Variants in PDGFA observed in about 807,000 individuals in gnomAD.
The protein encoded by PDGFA is platelet derived growth factor subunit A, also known as platelet-derived growth factor subunit A.
Under a neutral mutation model 25.6 loss-of-function variants are expected in PDGFA, and 9 were observed. That is an observed-to-expected ratio of 0.35 (90% confidence interval 0.21 to 0.61). The LOEUF (loss-of-function observed/expected upper bound fraction) is 0.61. PDGFA is among the 20% of genes least tolerant of loss of function. The pLI, the probability that PDGFA is intolerant of heterozygous loss-of-function variation, is 0.75. For missense variants in PDGFA, 242 were observed against 272.8 expected (o/e 0.89, Z 0.79); for synonymous variants, 133 against 111.8 (o/e 1.19, Z -1.20).
At chr7:503,279 T>A (rs554619230) in intron 4 of PDGFA, among the ~76,000 whole-genome samples, 3 of 152,222 alleles carry the variant, frequency 2.0e-5, no homozygotes, top group Admixed American at 6.5e-5. Flanking sequence ...AGGCGCTCCA[T>A]CTGTGCCCAC....
In PDGFA at chr7:500,706, C is replaced by T. The variant is rs1454178634; in HGVS notation, c.580+410G>A. ...CCATTCTGCTCCTGGGTGGAGTCCGCGTGGCGGGGTGAAGGAGAGACCCCA... is the reference window on the plus strand; with the variant it reads ...CCATTCTGCTCCTGGGTGGAGTCCGTGTGGCGGGGTGAAGGAGAGACCCCA... On this transcript the variant is annotated intron_variant, in intron 5 of 5. Coordinates refer to ENST00000402802, the Ensembl canonical transcript of PDGFA. This position sits in a 1 kb window ranked among gnomAD's most constrained non-coding sequence, Gnocchi z 5.0. 1.9e-5 allele frequency: 28 copies of T among 1,441,304 alleles called. No homozygotes were observed. The Admixed American group carries it at 2.2e-4, about 11-fold the overall frequency. The allele number at this position is 1,441,304 out of a possible 1,614,324, so 89.3% of individuals were successfully genotyped here. A position where few individuals can be genotyped will look rare whatever the true frequency, so the allele number is the denominator to read the frequency against.
At position 500,550 on chromosome 7, in the gene PDGFA, G is replaced by T. The variant is rs780245413; in HGVS notation, c.580+566C>A. The T allele has an allele frequency of 1.9e-6, 3 of 1,612,846 alleles. No homozygotes were observed. The highest frequency in any genetic ancestry group is 2.5e-6 in the Non-Finnish European group (3 of 1,179,864). On this transcript the variant is annotated intron_variant, in intron 5 of 5. Coordinates refer to ENST00000402802, the Ensembl canonical transcript of PDGFA. This position sits in a 1 kb window ranked among gnomAD's most constrained non-coding sequence, Gnocchi z 5.0. Reference sequence around the variant, plus strand: ...AGTGGGCCGAGGGACGGCCGTCGGGGTGAAGAACTGAAGCAACAAATACCT... The same window carrying T: ...AGTGGGCCGAGGGACGGCCGTCGGGTTGAAGAACTGAAGCAACAAATACCT...
chr7:509,778 C>T (rs1483805848), intron 4 of PDGFA, among the ~76,000 whole-genome samples: 1 of 152,148 alleles, frequency 6.6e-6, no homozygotes, highest in East Asian at 1.9e-4. Flanking sequence ...TTCCAGCCTC[C>T]AGAACTTTGA....
intron 5 of PDGFA, among the ~76,000 whole-genome samples, chr7:499,271 G>A (rs1279458749): frequency 6.6e-6 from 1 of 152,240 alleles, no homozygotes; most frequent in Non-Finnish European, 1.5e-5. Context: ...CTGACCAACA[G>A]TCCTGGACTG....
At chr7:512,740 C>T (rs540156749) in intron 2 of PDGFA, 16 of 1,172,536 alleles carry the variant, frequency 1.4e-5, no homozygotes, top group Admixed American at 1.3e-4. Context: ...CAGGGCCCTT[C>T]GGGGAAGAGG....
chr7:512,478 G>A lies in PDGFA; in HGVS notation c.161-23C>T, dbSNP rs199569655. On this transcript the variant is annotated intron_variant, in intron 2 of 5. Transcript: ENST00000402802. ...TCCCTGCAGGCGGAAGGAGAACACC[G>A]TGAATGCCCCAGGCCCGTGCGCTGT... is the stretch of plus-strand genomic sequence containing the variant. The A allele has an allele frequency of 1.7e-3, 2,692 of 1,613,312 alleles. 9 individuals carry two copies. Among genetic ancestry groups the A allele is most frequent in the South Asian group, 2.7e-3 (243 of 91,074 alleles).
chr7:507,975 G>T (rs1431798603), intron 4 of PDGFA, among the ~76,000 whole-genome samples: 1 of 152,150 alleles, frequency 6.6e-6, no homozygotes, highest in Non-Finnish European at 1.5e-5. Flanking sequence ...GGCTTCAAAA[G>T]GGGAGTGAGT....
At chr7:506,440 C>G (rs1782570174) in intron 4 of PDGFA, among the ~76,000 whole-genome samples, 1 of 152,036 alleles carries the variant, frequency 6.6e-6, no homozygotes, top group African/African-American at 2.4e-5. Flanking sequence ...CTGCACCAGA[C>G]CCCAGAGAGT....
chr7:503,792 A>G (rs1037619961), intron 4 of PDGFA, among the ~76,000 whole-genome samples: 8 of 152,150 alleles, frequency 5.3e-5, no homozygotes, highest in African/African-American at 1.9e-4. Context: ...GCCAAGTATG[A>G]GCTCAACAGT....
rs768944712 is a variant in PDGFA, at chr7:501,254, A to C, written c.454-12T>G. On this transcript the variant is annotated splice_polypyrimidine_tract_variant and intron_variant, in intron 4 of 5. Coordinates refer to ENST00000402802, the Ensembl canonical transcript of PDGFA. ...TCCACCTTGGCCACCTGCCAGAGAG[A>C]ACAGAGCCCGGCCATGAATGCCTGC... is the stretch of plus-strand genomic sequence containing the variant. 7.4e-6 allele frequency: 12 copies of C among 1,613,760 alleles called. No homozygotes were observed. The East Asian group carries it at 2.7e-4, about 36-fold the overall frequency.
In PDGFA at chr7:500,539, C is replaced by T. The variant is rs376716950; in HGVS notation, c.580+577G>A. On this transcript the variant is annotated intron_variant, in intron 5 of 5. Coordinates refer to ENST00000402802, the Ensembl canonical transcript of PDGFA. This position sits in a 1 kb window ranked among gnomAD's most constrained non-coding sequence, Gnocchi z 5.0. The stretch of plus-strand genomic sequence containing the variant: ...GCAGGGCGGTGAGTGGGCCGAGGGA[C>T]GGCCGTCGGGGTGAAGAACTGAAGC... The T allele has an allele frequency of 1.9e-4, 305 of 1,613,492 alleles. No individual in the cohort carries two copies. The African/African-American group carries it at 2.2e-3, about 11-fold the overall frequency.
chr7:512,759 G>T, intron 2 of PDGFA: 2 of 1,006,786 alleles, frequency 2.0e-6, no homozygotes, highest in Non-Finnish European at 2.6e-6. Context: ...GGTTGCAGGT[G>T]GTCTCCCCTA....
At chr7:516,052 C>CA (rs1554276005) in intron 2 of PDGFA, among the ~76,000 whole-genome samples, 45 of 120,280 alleles carry the variant, frequency 3.7e-4, no homozygotes, top group Middle Eastern at 4.5e-3. Flanking sequence ...CCCCCCCCCC[C>CA]ACTTTTCCAA....
In PDGFA at chr7:517,665, G is replaced by T. The variant is rs967687840; in HGVS notation, c.64-175C>A. On this transcript the variant is annotated intron_variant, in intron 1 of 5. Coordinates refer to ENST00000402802, the Ensembl canonical transcript of PDGFA. The surrounding 1 kb of genome is among the most constrained non-coding windows in gnomAD (Gnocchi z 7.4). ...CCGGCCCTGGAACCAGAAGCCGGGG[G>T]TGGGGCTGGAAGAGACCCCAAATTC... Among the ~76,000 whole-genome samples, 1 of 151,482 alleles carries T rather than the reference G, an allele frequency of 6.6e-6. No homozygotes were observed. Among genetic ancestry groups the T allele is most frequent in the African/African-American group, 2.4e-5 (1 of 41,316 alleles).
chr7:518,906 G>C (rs967353148), intron 1 of PDGFA, 33 bp downstream of exon 1: 10 of 1,460,212 alleles, frequency 6.8e-6, no homozygotes, highest in South Asian at 6.6e-5. Flanking sequence ...CGGAGGAGCC[G>C]GCGCAGGGAC....
chr7:506,803 C>G (rs761444864), intron 4 of PDGFA, among the ~76,000 whole-genome samples: 5 of 152,220 alleles, frequency 3.3e-5, no homozygotes, highest in Admixed American at 6.5e-5. Flanking sequence ...GCCGGTCAGT[C>G]ACATCCTGGT....
intron 4 of PDGFA, among the ~76,000 whole-genome samples, chr7:503,937 C>T (rs1241103637): frequency 3.3e-5 from 5 of 152,134 alleles, no homozygotes; most frequent in Admixed American, 2.6e-4. Flanking sequence ...CCGTTCCACT[C>T]GGGAGGCCTC....
rs1782264829 is a variant in PDGFA, at chr7:500,216, G to A, written c.580+900C>T. On this transcript the variant is annotated intron_variant, in intron 5 of 5. Coordinates refer to ENST00000402802, the Ensembl canonical transcript of PDGFA. This position sits in a 1 kb window ranked among gnomAD's most constrained non-coding sequence, Gnocchi z 5.0. The stretch of plus-strand genomic sequence containing the variant: ...AAAGAGAAGGACAAAGCTGGAGGCA[G>A]GCTCCCAAGCGGGAGTGAGCCACGG... 6.6e-6 allele frequency among the ~76,000 whole-genome samples: 1 copy of A among 152,248 alleles called. No individual in the cohort carries two copies. The highest frequency in any genetic ancestry group is 2.1e-4 in the South Asian group (1 of 4,836).
chr7:511,383 CA>C (rs1782839200), intron 3 of PDGFA, among the ~76,000 whole-genome samples: 2 of 15,450 alleles, frequency 1.3e-4, no homozygotes, highest in Non-Finnish European at 2.2e-4. Context: ...CTGGGGGTGG[CA>C]GGGGCAGAGG....
Sources: allele counts gnomAD v4.1 joint callset (sites outside exome capture counted in the v4.1 genomes callset), GRCh38; gene constraint gnomAD v4.1.1; non-coding constraint Gnocchi (gnomAD v3.1); transcripts MANE v1.5; gene names NCBI Gene and HGNC (gene_info 2026-07-23, HGNC 2026-07-21).